The following LRRC66 variants were observed in gnomAD, a reference collection of about 807,000 sequenced individuals.
The protein encoded by LRRC66 is leucine-rich repeat-containing protein 66.
In LRRC66, 29 loss-of-function variants were observed where a neutral mutation model predicts 24.6. The ratio of observed to expected loss-of-function variants is 1.18; its 90% CI spans 0.88 to 1.61. The LOEUF is 1.61. Among genes scored for constraint, LRRC66 ranks in the 40% most tolerant of loss-of-function variants. The probability of loss-of-function intolerance (pLI) is 0.00; values close to 1 mark genes in which losing one functional copy is unlikely to be tolerated. For missense variants in LRRC66, 1,124 were observed against 1,058.0 expected (o/e 1.06, Z -0.87); for synonymous variants, 411 against 397.6 (o/e 1.03, Z -0.40).
intron 2 of LRRC66, among the ~76,000 whole-genome samples, chr4:52,005,733 T>C (rs892322502): frequency 3.9e-5 from 6 of 152,162 alleles, no homozygotes; most frequent in Middle Eastern, 3.4e-3. Flanking sequence ...GAAATGACCA[T>C]TGCCCAAGTC....
Position 51,994,947 on chromosome 4 carries a change from G to A in LRRC66, c.2075C>T (p.Pro692Leu), listed in dbSNP as rs781652055. 1.9e-6 allele frequency: 3 copies of A among 1,614,162 alleles called. No individual in the cohort carries two copies. The highest frequency in any genetic ancestry group is 2.5e-6 in the Non-Finnish European group (3 of 1,180,052). The change falls in exon 5 of 5, where the codon CCT (proline) becomes CTT (leucine). Residue 692 changes from proline to leucine, a missense_variant. Coordinates refer to ENST00000682860, the MANE Select transcript of LRRC66 (RefSeq NM_001024611.3). Reference protein sequence around the residue: ...ANKEPVQKSTPSDTCCELESD... With the variant: ...ANKEPVQKSTLSDTCCELESD... ...CTCCAACTCACAGCAAGTGTCAGAA[G>A]GAGTGGATTTCTGCACTGGTTCCTT...
chr4:52,014,005 G>A (rs1273251343), intron 2 of LRRC66, among the ~76,000 whole-genome samples: 1 of 152,218 alleles, frequency 6.6e-6, no homozygotes, highest in Non-Finnish European at 1.5e-5. Flanking sequence ...TCTAATCCCA[G>A]CACTTTGGGA....
At position 51,995,616 on chromosome 4, in the gene LRRC66, AC is replaced by A. The variant is rs1560556046; in HGVS notation, c.1405del (p.Val469Ter). ...CCTTCCCAGAGTTCTATCAGGAATT[AC>A]GGTGGCGTGTGGGTGTGGCTGTGTC... ...WVTQPHPHAT[V>X]IPDRTLGRSR... On this transcript the variant is annotated frameshift_variant, in exon 5 of 5. Coordinates refer to ENST00000682860, the MANE Select transcript of LRRC66 (RefSeq NM_001024611.3). LOFTEE classifies it low-confidence loss of function (END_TRUNC). 2 of 1,614,036 alleles carry A rather than the reference AC, an allele frequency of 1.2e-6. No homozygotes were observed. Among genetic ancestry groups the A allele is most frequent in the South Asian group, 2.2e-5 (2 of 91,062 alleles).
At chr4:52,014,024 C>A (rs1270078964) in intron 2 of LRRC66, among the ~76,000 whole-genome samples, 2 of 152,132 alleles carry the variant, frequency 1.3e-5, no homozygotes, top group South Asian at 4.1e-4. Flanking sequence ...GAGGGTGAGG[C>A]CTGCGGATCA....
chr4:51,996,605 T>C (rs1184758142), intron 4 of LRRC66, among the ~76,000 whole-genome samples: 1 of 152,202 alleles, frequency 6.6e-6, no homozygotes, highest in African/African-American at 2.4e-5. Flanking sequence ...TCAGTCCTTA[T>C]CTAGCTATAT....
chr4:52,016,914 A>G (rs985294073), intron 2 of LRRC66, among the ~76,000 whole-genome samples: 3 of 152,198 alleles, frequency 2.0e-5, no homozygotes, highest in African/African-American at 4.8e-5. Flanking sequence ...TGTCAGATAT[A>G]CTAATGGGAG....
intron 2 of LRRC66, among the ~76,000 whole-genome samples, chr4:52,005,633 G>C (rs1736562744): frequency 6.6e-6 from 1 of 150,964 alleles, no homozygotes; most frequent in South Asian, 2.1e-4. Flanking sequence ...ACAAAGGATA[G>C]GCCAAGAAGA....
intron 1 of LRRC66, chr4:52,018,380 A>T (rs1417710297): frequency 1.0e-6 from 1 of 984,514 alleles, no homozygotes; most frequent in Non-Finnish European, 1.2e-6. Flanking sequence ...AAATAAGTTT[A>T]AAAATGGGTA....
At chr4:52,006,829 ATC>A (rs1736597621) in intron 2 of LRRC66, among the ~76,000 whole-genome samples, 1 of 152,026 alleles carries the variant, frequency 6.6e-6, no homozygotes, top group Admixed American at 6.6e-5. Context: ...TTTCACAGAC[ATC>A]TCTTTTTAAT....
At chr4:52,017,066 G>A in intron 2 of LRRC66, 52 bp downstream of exon 2, 1 of 1,533,520 alleles carries the variant, frequency 6.5e-7, no homozygotes, top group Non-Finnish European at 8.8e-7. Context: ...TTATGAACAT[G>A]AAACAACTCC....
chr4:52,012,883 C>A (rs1411260947), intron 2 of LRRC66, among the ~76,000 whole-genome samples: 2 of 152,214 alleles, frequency 1.3e-5, no homozygotes, highest in Non-Finnish European at 2.9e-5. Flanking sequence ...AAAGGATACT[C>A]AGACATTACA....
rs1736503163 is a variant in LRRC66 at position 52,003,518 on chromosome 4, G to T, written c.497-126C>A. The T allele has an allele frequency of 5.7e-6, 4 of 706,342 alleles. No homozygotes were observed. The Admixed American group carries it at 8.3e-5, about 15-fold the overall frequency. 43.8% of individuals were successfully genotyped at this position (706,342 alleles called of 1,614,324 possible). ...TTGAGGTATTGTTAAACAACGTATG[G>T]TATATTAATACTATGAAATAATATG... On this transcript the variant is annotated intron_variant, in intron 2 of 4. Coordinates refer to ENST00000682860, the MANE Select transcript of LRRC66 (RefSeq NM_001024611.3).
chr4:52,003,199 A>C, intron 3 of LRRC66, 24 bp downstream of exon 3: 1 of 1,576,828 alleles, frequency 6.3e-7, no homozygotes, highest in Non-Finnish European at 8.7e-7. Flanking sequence ...CCTTATTCAA[A>C]TATTATAAAA....
At chr4:52,017,850 T>C in intron 1 of LRRC66, 1 of 985,420 alleles carries the variant, frequency 1.0e-6, no homozygotes. Context: ...CTCCCCTGAT[T>C]TTTCAGAAAA....
chr4:51,995,697 A>C lies in LRRC66; in HGVS notation c.1325T>G (p.Leu442Arg), dbSNP rs2110190538. 1 of 1,614,162 alleles carries C rather than the reference A, an allele frequency of 6.2e-7. No homozygotes were observed. Among genetic ancestry groups the C allele is most frequent in the South Asian group, 1.1e-5 (1 of 91,072 alleles). ...GCTTAGATGAGGAAATACTTGGCGC[A>C]GATGGGTCTCTGGGTGTGGTGTGTG... is the stretch of plus-strand genomic sequence containing the variant. ...AGHTPHPETH[L>R]RQVFPHLSLY... is the part of the protein sequence containing the mutation. Residue 442 changes from leucine to arginine, a missense_variant, in exon 5 of 5, where the codon CTG becomes CGG. Coordinates refer to ENST00000682860, the MANE Select transcript of LRRC66 (RefSeq NM_001024611.3).
chr4:51,997,489 C>T (rs1578111760), intron 4 of LRRC66, among the ~76,000 whole-genome samples: 1 of 152,222 alleles, frequency 6.6e-6, no homozygotes, highest in East Asian at 1.9e-4. Flanking sequence ...TAGTGGAATT[C>T]CTCCTTTTCA....
At chr4:51,998,675 A>C (rs1385421308) in intron 3 of LRRC66, among the ~76,000 whole-genome samples, 3 of 152,228 alleles carry the variant, frequency 2.0e-5, no homozygotes, top group Non-Finnish European at 4.4e-5. Context: ...AAAGGGGAAC[A>C]AGAAGTATCC....
chr4:52,015,073 G>C, intron 2 of LRRC66, among the ~76,000 whole-genome samples: 1 of 152,154 alleles, frequency 6.6e-6, no homozygotes. Context: ...GAATTCATCT[G>C]CCTTAAGGAG....
At position 51,997,740 on chromosome 4, in the gene LRRC66, T is replaced by G. The variant is rs1736355273; in HGVS notation, c.856+8A>C. ...TGGAGCCTTTTCAGAGAGACATTACTGACTTACCTATAGACCTGTTGCAAA... is the reference window on the plus strand; with the variant it reads ...TGGAGCCTTTTCAGAGAGACATTACGGACTTACCTATAGACCTGTTGCAAA... On this transcript the variant is annotated splice_region_variant and intron_variant, in intron 4 of 4. Coordinates refer to ENST00000682860, the MANE Select transcript of LRRC66 (RefSeq NM_001024611.3). 2.2e-5 allele frequency: 35 copies of G among 1,611,004 alleles called. No individual in the cohort carries two copies. Among genetic ancestry groups the G allele is most frequent in the Non-Finnish European group, 3.0e-5 (35 of 1,177,582 alleles).
Sources: gnomAD v4.1 joint callset for allele counts (sites outside exome capture counted in the v4.1 genomes callset) on GRCh38, gnomAD v4.1.1 for gene constraint, MANE v1.5 for transcripts, NCBI Gene and HGNC (gene_info 2026-07-23, HGNC 2026-07-21) for gene names.